ADAMTSL3: variants seen among roughly 807,000 people sequenced by gnomAD.
The protein encoded by ADAMTSL3 is ADAMTS like 3.
In ADAMTSL3, 128 loss-of-function variants were observed where a neutral mutation model predicts 201.7. The observed-to-expected ratio is 0.63, with a 90% CI of 0.55 to 0.73. The LOEUF is 0.73. Ranked by LOEUF, ADAMTSL3 falls within the 30% of genes least tolerant of loss-of-function variation. ADAMTSL3 has a pLI of 0.00. For synonymous variants in ADAMTSL3, 738 were observed against 748.4 expected, an observed-to-expected ratio of 0.99 and a Z score of 0.23; for missense variants, 1,990 against 2,119.6, an observed-to-expected ratio of 0.94 and a Z score of 1.20.
At chr15:83,935,035 A>T (rs896766006) in intron 17 of ADAMTSL3, among the ~76,000 whole-genome samples, 6 of 152,156 alleles carry the variant, frequency 3.9e-5, no homozygotes, top group African/African-American at 1.4e-4. Context: ...GAATTTGGAG[A>T]CTCAGACAGG....
chr15:83,923,033 T>C (rs1370897358), intron 16 of ADAMTSL3, among the ~76,000 whole-genome samples: 1 of 152,164 alleles, frequency 6.6e-6, no homozygotes, highest in African/African-American at 2.4e-5. Context: ...AACATAGGCT[T>C]TGGGGTCAGA....
intron 19 of ADAMTSL3, among the ~76,000 whole-genome samples, chr15:83,969,307 A>G (rs1374276573): frequency 2.0e-5 from 3 of 152,076 alleles, no homozygotes; most frequent in East Asian, 3.9e-4. Context: ...AGCAGGGTGC[A>G]GTGGTGGGCG....
intron 3 of ADAMTSL3, among the ~76,000 whole-genome samples, chr15:83,736,860 A>T (rs1172800440): frequency 6.6e-6 from 1 of 152,198 alleles, no homozygotes; most frequent in African/African-American, 2.4e-5. Flanking sequence ...CGACCACTAC[A>T]GGCTATAGTA....
At chr15:83,868,093 G>A (rs1224991976) in intron 8 of ADAMTSL3, among the ~76,000 whole-genome samples, 1 of 152,062 alleles carries the variant, frequency 6.6e-6, no homozygotes, top group East Asian at 1.9e-4. Context: ...TGGGCAGCAG[G>A]AAAGAAGGCT....
At chr15:83,989,131 C>G (rs921333652) in intron 22 of ADAMTSL3, among the ~76,000 whole-genome samples, 2 of 152,194 alleles carry the variant, frequency 1.3e-5, no homozygotes, top group African/African-American at 4.8e-5. Context: ...ATCCACCCGC[C>G]TTGGCCTCCC....
chr15:83,901,851 G>A (rs1242253848), intron 15 of ADAMTSL3, among the ~76,000 whole-genome samples: 3 of 151,658 alleles, frequency 2.0e-5, no homozygotes, highest in Non-Finnish European at 4.4e-5. Flanking sequence ...GAGAGAGTGT[G>A]TAGTTGTCAC....
At chr15:83,994,293 A>ATC (rs1218693184) in intron 23 of ADAMTSL3, among the ~76,000 whole-genome samples, 4 of 152,258 alleles carry the variant, frequency 2.6e-5, no homozygotes, top group Non-Finnish European at 5.9e-5. Context: ...ACTGGTGTAC[A>ATC]TCTCCTTTAG....
chr15:83,874,148 C>T (rs999947161), intron 9 of ADAMTSL3, among the ~76,000 whole-genome samples: 2 of 142,680 alleles, frequency 1.4e-5, no homozygotes, highest in African/African-American at 2.7e-5. Context: ...AAGCCTTCTC[C>T]CTCTCCTGGC....
intron 2 of ADAMTSL3, among the ~76,000 whole-genome samples, chr15:83,671,636 A>C (rs17158711): frequency 0.015 from 2,310 of 152,306 alleles, 71 homozygotes; most frequent in African/African-American, 0.052. Context: ...GCTATTTGAC[A>C]ATAAATTATA....
Position 84,031,375 on chromosome 15 carries a change from A to G in ADAMTSL3, c.4697A>G (p.Gln1566Arg). ...ATGGGCCGTGCTGTGAGGATGCAGC[A>G]GCGTCACACAGCTTGTCAACACAAC... is the stretch of plus-strand genomic sequence containing the variant. The part of the protein sequence containing the change: ...RCMGRAVRMQ[Q>R]RHTACQHNSS... Residue 1566 changes from glutamine (Q) to arginine (R), a missense_variant, in exon 28 of 30, where the codon CAG (glutamine) becomes CGG (arginine). Coordinates refer to ENST00000286744, the MANE Select transcript of ADAMTSL3 (RefSeq NM_207517.3). 10 of 1,614,116 alleles carry G rather than the reference A, an allele frequency of 6.2e-6. No homozygotes were observed. Among genetic ancestry groups the G allele is most frequent in the Non-Finnish European group, 8.5e-6 (10 of 1,180,028 alleles).
chr15:83,867,156 C>T (rs1009706459), intron 8 of ADAMTSL3, among the ~76,000 whole-genome samples: 2 of 152,178 alleles, frequency 1.3e-5, no homozygotes, highest in African/African-American at 4.8e-5. Context: ...ATAAATCATT[C>T]TTTTAATATC....
chr15:84,016,098 A>G (rs2068083162), intron 24 of ADAMTSL3, among the ~76,000 whole-genome samples: 1 of 152,224 alleles, frequency 6.6e-6, no homozygotes, highest in Admixed American at 6.5e-5. Context: ...CCCTTTTGGA[A>G]TTCTGCTGAA....
chr15:83,678,400 T>A (rs2061433852), intron 2 of ADAMTSL3, among the ~76,000 whole-genome samples: 1 of 123,076 alleles, frequency 8.1e-6, no homozygotes, highest in African/African-American at 3.3e-5. Flanking sequence ...TTTTGCTGGA[T>A]ATAGAATTAT....
chr15:83,979,723 A>G (rs1372066534), intron 20 of ADAMTSL3, among the ~76,000 whole-genome samples: 2 of 152,232 alleles, frequency 1.3e-5, no homozygotes, highest in Non-Finnish European at 2.9e-5. Flanking sequence ...AAATCCTCCC[A>G]TGATCCTCTT....
intron 4 of ADAMTSL3, among the ~76,000 whole-genome samples, chr15:83,794,660 G>T (rs1180329592): frequency 1.3e-5 from 2 of 149,838 alleles, no homozygotes; most frequent in Non-Finnish European, 3.0e-5. Flanking sequence ...AGAGGATAGG[G>T]TGGGGGGGAG....
intron 6 of ADAMTSL3, among the ~76,000 whole-genome samples, chr15:83,820,292 G>A (rs948385269): frequency 6.6e-6 from 1 of 152,182 alleles, no homozygotes; most frequent in African/African-American, 2.4e-5. Flanking sequence ...TGGCCAGGCT[G>A]ATCTCAAACT....
intron 6 of ADAMTSL3, 31 bp downstream of exon 6, chr15:83,820,078 T>C (rs1261098268): frequency 6.5e-7 from 1 of 1,548,526 alleles, no homozygotes; most frequent in Non-Finnish European, 8.9e-7. Context: ...ATCCCCTGCT[T>C]TGGGGATGTG....
At chr15:83,998,153 T>C (rs778767980) in intron 23 of ADAMTSL3, among the ~76,000 whole-genome samples, 6 of 152,088 alleles carry the variant, frequency 3.9e-5, no homozygotes, top group Non-Finnish European at 7.4e-5. Context: ...TTGAAAACTA[T>C]AGTTGTAGTA....
rs556883233 is a variant in ADAMTSL3, at chr15:83,669,537, G to A, written c.69+13707G>A. 2.4e-5 allele frequency among the ~76,000 whole-genome samples: 3 copies of A among 126,478 alleles called. No individual in the cohort carries two copies. In the East Asian group the frequency reaches 7.7e-4, roughly 32 times the overall value. The allele number at this position is 126,478 out of a possible 152,430, so 83.0% of individuals were successfully genotyped here. A position where few individuals can be genotyped will look rare whatever the true frequency, so the allele number is the denominator to read the frequency against. ...GGCTGGAGTGCTGTGGCGTGATCTC[G>A]GCTCGCTGCAAGCTCTGCCTCCTGG... On this transcript the variant is annotated intron_variant, in intron 2 of 29. Transcript: ENST00000286744.
Sources: gnomAD v4.1 joint callset for allele counts (sites outside exome capture counted in the v4.1 genomes callset) on GRCh38, gnomAD v4.1.1 for gene constraint, MANE v1.5 for transcripts, NCBI Gene and HGNC (gene_info 2026-07-23, HGNC 2026-07-21) for gene names.